Variants in PPP1R21 observed in about 807,000 individuals in gnomAD.
The protein encoded by PPP1R21 is protein phosphatase 1 regulatory subunit 21.
In PPP1R21, 85 loss-of-function variants were observed where a neutral mutation model predicts 112.8. The observed-to-expected ratio is 0.75, with a 90% confidence interval of 0.63 to 0.90. The LOEUF (loss-of-function observed/expected upper bound fraction) is 0.90. Ranked by LOEUF, PPP1R21 falls within the 40% of genes least tolerant of loss-of-function variation. The probability of loss-of-function intolerance (pLI) is 0.00; values close to 1 mark genes in which losing one functional copy is unlikely to be tolerated. For missense variants in PPP1R21, 1,199 were observed against 901.5 expected (o/e 1.33, Z -4.23); for synonymous variants, 381 against 322.3 (o/e 1.18, Z -1.95).
At chr2:48,495,448 C>T (rs560921311) in intron 15 of PPP1R21, among the ~76,000 whole-genome samples, 20 of 152,248 alleles carry the variant, frequency 1.3e-4, no homozygotes, top group African/African-American at 4.3e-4. Flanking sequence ...GTGATCCGCT[C>T]GCCTCGACCT....
Position 48,464,957 on chromosome 2 carries a change from C to A in PPP1R21, c.715C>A (p.Leu239Met). 2 of 1,560,668 alleles carry A rather than the reference C, an allele frequency of 1.3e-6. No homozygotes were observed. The highest frequency in any genetic ancestry group is 1.7e-6 in the Non-Finnish European group (2 of 1,163,530). ...TGTAGAATATAGTCAGTACAACGCT[C>A]TGAACGTTCCACTCCACAATAGGAG... is the stretch of plus-strand genomic sequence containing the variant. ...NDTKYSQYNA[L>M]NVPLHNRRHQ... The change falls in exon 8 of 22, where the codon CTG becomes ATG. Residue 239 changes from leucine to methionine, a missense_variant. Physicochemically the swap from Leu to Met is conservative, Grantham distance 15. Transcript: ENST00000294952.
At chr2:48,448,722 T>C (rs1321891146) in intron 1 of PPP1R21, among the ~76,000 whole-genome samples, 2 of 152,266 alleles carry the variant, frequency 1.3e-5, no homozygotes, top group African/African-American at 4.8e-5. Context: ...TGTTGATATT[T>C]GCTTAAAAAG....
chr2:48,515,114 A>G lies in PPP1R21; in HGVS notation c.*370A>G. On this transcript the variant is annotated 3_prime_UTR_variant, in exon 22 of 22. Transcript: ENST00000294952. ...AATCGATTTGGTATCTATGGAATAGATATATGTTTCTGGAAAAAAATGCTT... is the reference window on the plus strand; with the variant it reads ...AATCGATTTGGTATCTATGGAATAGGTATATGTTTCTGGAAAAAAATGCTT... 1 of 185,514 alleles carries G rather than the reference A, an allele frequency of 5.4e-6. No homozygotes were observed. The allele number at this position is 185,514 out of a possible 1,614,324, so 11.5% of individuals were successfully genotyped here. A position where few individuals can be genotyped will look rare whatever the true frequency, so the allele number is the denominator to read the frequency against.
chr2:48,507,749 C>CTTGTT (rs1670449441), intron 19 of PPP1R21, among the ~76,000 whole-genome samples: 1 of 42,392 alleles, frequency 2.4e-5, no homozygotes, highest in Non-Finnish European at 3.9e-5. Flanking sequence ...GAGGCTCTGC[C>CTTGTT]TTTTTTTTTT....
intron 11 of PPP1R21, among the ~76,000 whole-genome samples, chr2:48,471,729 G>C (rs752306695): frequency 1.3e-5 from 2 of 152,044 alleles, no homozygotes; most frequent in Non-Finnish European, 2.9e-5. Flanking sequence ...TTAGTGACTT[G>C]TTATAAACTA....
chr2:48,494,926 C>A (rs567388048), intron 15 of PPP1R21, among the ~76,000 whole-genome samples: 58 of 152,178 alleles, frequency 3.8e-4, no homozygotes, highest in African/African-American at 1.3e-3. Flanking sequence ...CGGCTGGTCT[C>A]GAACTCCTGA....
intron 7 of PPP1R21, among the ~76,000 whole-genome samples, chr2:48,463,040 G>C (rs188049806): frequency 6.6e-6 from 1 of 152,306 alleles, no homozygotes; most frequent in Non-Finnish European, 1.5e-5. Flanking sequence ...GAGACAACGA[G>C]GTTAACTTTG....
At chr2:48,499,134 G>C (rs912719493) in intron 17 of PPP1R21, among the ~76,000 whole-genome samples, 1 of 148,794 alleles carries the variant, frequency 6.7e-6, no homozygotes, top group South Asian at 2.2e-4. Context: ...ATTGGGGGTG[G>C]GGGGGGACAC....
chr2:48,468,493 T>G (rs570729344), intron 9 of PPP1R21, among the ~76,000 whole-genome samples: 26 of 152,280 alleles, frequency 1.7e-4, no homozygotes, highest in African/African-American at 6.0e-4. Flanking sequence ...TAGTTATGCT[T>G]TCTTTTATAC....
chr2:48,511,131 T>G (rs1343412049), intron 20 of PPP1R21, among the ~76,000 whole-genome samples: 1 of 152,204 alleles, frequency 6.6e-6, no homozygotes, highest in East Asian at 1.9e-4. Flanking sequence ...AATGATCAAA[T>G]CAGGGTCATT....
chr2:48,472,524 G>A (rs2103855862), intron 11 of PPP1R21, among the ~76,000 whole-genome samples: 1 of 151,948 alleles, frequency 6.6e-6, no homozygotes, highest in Non-Finnish European at 1.5e-5. Context: ...TACTTGGGAG[G>A]CTGAGGCAGG....
At chr2:48,475,946 C>T (rs1187927666) in intron 12 of PPP1R21, among the ~76,000 whole-genome samples, 1 of 151,826 alleles carries the variant, frequency 6.6e-6, no homozygotes. Flanking sequence ...TTTTTAACAG[C>T]ATTATTGTAT....
At chr2:48,475,070 C>T (rs188719091) in intron 12 of PPP1R21, among the ~76,000 whole-genome samples, 33 of 152,224 alleles carry the variant, frequency 2.2e-4, no homozygotes, top group South Asian at 1.7e-3. Context: ...TAAGAACGTA[C>T]GGCCAGGCTG....
At chr2:48,442,043 T>A (rs1490213232) in intron 1 of PPP1R21, among the ~76,000 whole-genome samples, 1 of 152,252 alleles carries the variant, frequency 6.6e-6, no homozygotes, top group Non-Finnish European at 1.5e-5. Flanking sequence ...TTTGAGACAC[T>A]ACACTTATTT....
intron 11 of PPP1R21, among the ~76,000 whole-genome samples, chr2:48,474,158 G>T (rs952185310): frequency 6.6e-6 from 1 of 152,104 alleles, no homozygotes; most frequent in Non-Finnish European, 1.5e-5. Context: ...TGAGGCAGGC[G>T]GATCACCCGA....
chr2:48,469,603 A>G (rs1668417609), intron 9 of PPP1R21, among the ~76,000 whole-genome samples: 1 of 147,050 alleles, frequency 6.8e-6, no homozygotes, highest in African/African-American at 2.5e-5. Context: ...AGTATTGGAT[A>G]GAATATACTA....
At chr2:48,492,182 T>G (rs935703783) in intron 15 of PPP1R21, among the ~76,000 whole-genome samples, 6 of 152,226 alleles carry the variant, frequency 3.9e-5, no homozygotes, top group African/African-American at 1.4e-4. Context: ...TACAGGTAAA[T>G]TATAATCCCT....
intron 15 of PPP1R21, among the ~76,000 whole-genome samples, chr2:48,494,811 G>A (rs1669749189): frequency 6.6e-6 from 1 of 152,062 alleles, no homozygotes; most frequent in African/African-American, 2.4e-5. Flanking sequence ...TCTGCCTTCG[G>A]GGTTCAAAGG....
chr2:48,497,447 C>T (rs1336801096), intron 16 of PPP1R21, among the ~76,000 whole-genome samples: 1 of 152,188 alleles, frequency 6.6e-6, no homozygotes, highest in Non-Finnish European at 1.5e-5. Context: ...GGTAACCATT[C>T]TCCTGCCTTC....
Sources: gnomAD v4.1 joint callset for allele counts (sites outside exome capture counted in the v4.1 genomes callset) on GRCh38, gnomAD v4.1.1 for gene constraint, MANE v1.5 for transcripts, NCBI Gene and HGNC (gene_info 2026-07-23, HGNC 2026-07-21) for gene names.